Variants in TBCEL observed in about 807,000 individuals in gnomAD.
TBCEL encodes tubulin-specific chaperone cofactor E-like protein.
TBCEL carries 15 observed loss-of-function variants against 44.2 expected under a neutral mutation model. The ratio of observed to expected loss-of-function variants is 0.34; its 90% CI spans 0.23 to 0.52. The LOEUF (loss-of-function observed/expected upper bound fraction) is 0.52. Ranked by LOEUF, TBCEL falls within the 20% of genes least tolerant of loss-of-function variation. TBCEL has a pLI of 0.95. For synonymous variants in TBCEL, 171 were observed against 185.4 expected (o/e 0.92, Z 0.63); for missense variants, 319 against 506.3 (o/e 0.63, Z 3.55).
At chr11:121,030,892 A>T in intron 1 of TBCEL, among the ~76,000 whole-genome samples, 1 of 147,696 alleles carries the variant, frequency 6.8e-6, no homozygotes, top group Non-Finnish European at 1.5e-5. Flanking sequence ...TTTTTTACCC[A>T]TTCAGCATTG....
At chr11:121,084,640 CT>C (rs1946184025) in intron 8 of TBCEL, among the ~76,000 whole-genome samples, 1 of 152,058 alleles carries the variant, frequency 6.6e-6, no homozygotes, top group Admixed American at 6.6e-5. Context: ...GACATTGTTT[CT>C]TTTGTTACTC....
chr11:121,082,932 G>C (rs1051200257), intron 8 of TBCEL, among the ~76,000 whole-genome samples: 9 of 152,316 alleles, frequency 5.9e-5, no homozygotes, highest in Non-Finnish European at 1.2e-4. Flanking sequence ...CTTGACTCTA[G>C]AAACAGACTG....
At chr11:121,037,003 G>A (rs193204215) in intron 2 of TBCEL, among the ~76,000 whole-genome samples, 2 of 152,304 alleles carry the variant, frequency 1.3e-5, no homozygotes, top group Admixed American at 6.5e-5. Context: ...TGTGATAGAA[G>A]AAGAGGGTGG....
chr11:121,059,343 A>G (rs1945678095), intron 7 of TBCEL, among the ~76,000 whole-genome samples: 1 of 151,984 alleles, frequency 6.6e-6, no homozygotes, highest in East Asian at 1.9e-4. Flanking sequence ...TTTTGCAAAT[A>G]TAATAAGTTA....
intron 2 of TBCEL, among the ~76,000 whole-genome samples, chr11:121,043,415 A>G (rs1198024462): frequency 6.6e-6 from 1 of 152,184 alleles, no homozygotes; most frequent in Non-Finnish European, 1.5e-5. Flanking sequence ...AATATAAGCA[A>G]AAGTAAACCA....
intron 6 of TBCEL, among the ~76,000 whole-genome samples, chr11:121,058,059 A>G (rs1945653803): frequency 6.6e-6 from 1 of 151,786 alleles, no homozygotes; most frequent in Non-Finnish European, 1.5e-5. Flanking sequence ...ACTACCAGTG[A>G]CCCCTCTTTA....
rs143487309 is a variant in TBCEL at position 121,082,912 on chromosome 11, T to G, written c.957-3866T>G. ...TGTGATCTGGAGATCAGCAAGCTGC[T>G]GCTGGGGTCCTTGACTCTAGAAACA... On this transcript the variant is annotated intron_variant, in intron 8 of 8. Transcript: ENST00000683345. 2.8e-3 allele frequency among the ~76,000 whole-genome samples: 425 copies of G among 152,332 alleles called. 4 individuals are homozygous for G. Among genetic ancestry groups the G allele is most frequent in the African/African-American group, 9.5e-3 (393 of 41,586 alleles).
chr11:121,063,884 ATC>A (rs781360125), intron 8 of TBCEL, among the ~76,000 whole-genome samples: 43 of 152,260 alleles, frequency 2.8e-4, no homozygotes, highest in Non-Finnish European at 5.0e-4. Flanking sequence ...TCTTAGATTA[ATC>A]TACTTTTTAC....
chr11:121,052,327 C>T (rs1188921669), intron 4 of TBCEL, among the ~76,000 whole-genome samples: 1 of 151,718 alleles, frequency 6.6e-6, no homozygotes, highest in Non-Finnish European at 1.5e-5. Flanking sequence ...GTGTCACTTG[C>T]TATGCTAAGC....
At chr11:121,069,384 C>T (rs928896245) in intron 8 of TBCEL, among the ~76,000 whole-genome samples, 3 of 151,920 alleles carry the variant, frequency 2.0e-5, no homozygotes, top group Non-Finnish European at 2.9e-5. Context: ...AATCTGGTGA[C>T]GATGAGGGAA....
chr11:121,049,807 T>A (rs1175340845), intron 4 of TBCEL, among the ~76,000 whole-genome samples: 1 of 151,784 alleles, frequency 6.6e-6, no homozygotes, highest in Admixed American at 6.6e-5. Context: ...ATGTGTGTAA[T>A]ATGGATCAGT....
intron 8 of TBCEL, among the ~76,000 whole-genome samples, chr11:121,062,342 G>T (rs57826163): frequency 0.18 from 27,102 of 151,924 alleles, 2,526 homozygotes; most frequent in East Asian, 0.33. Context: ...ATGATAAATA[G>T]TATAATAAAT....
intron 6 of TBCEL, among the ~76,000 whole-genome samples, chr11:121,057,172 G>A (rs533708392): frequency 2.8e-4 from 43 of 151,908 alleles, no homozygotes; most frequent in African/African-American, 1.0e-3. Context: ...TAAGGGATGA[G>A]GATAGTTGTG....
intron 1 of TBCEL, among the ~76,000 whole-genome samples, chr11:121,026,233 A>G (rs1025570440): frequency 3.9e-5 from 6 of 152,236 alleles, no homozygotes; most frequent in Admixed American, 2.6e-4. Flanking sequence ...TATAACTTTC[A>G]ATCAGTTAAC....
At chr11:121,063,930 G>C (rs1382142980) in intron 8 of TBCEL, among the ~76,000 whole-genome samples, 1 of 152,120 alleles carries the variant, frequency 6.6e-6, no homozygotes, top group African/African-American at 2.4e-5. Context: ...GATACCACCA[G>C]GGTTCCATCC....
intron 4 of TBCEL, among the ~76,000 whole-genome samples, chr11:121,048,179 ACTT>A (rs1945467386): frequency 1.3e-5 from 2 of 151,928 alleles, no homozygotes; most frequent in South Asian, 2.1e-4. Context: ...CTCATTCTCT[ACTT>A]CTACTTCAAT....
At chr11:121,050,426 A>G (rs2134935191) in intron 4 of TBCEL, among the ~76,000 whole-genome samples, 1 of 151,916 alleles carries the variant, frequency 6.6e-6, no homozygotes, top group Non-Finnish European at 1.5e-5. Flanking sequence ...TGGCTGCTAT[A>G]TATCCAGAGA....
chr11:121,037,648 T>C (rs1945256158), intron 2 of TBCEL, among the ~76,000 whole-genome samples: 1 of 152,212 alleles, frequency 6.6e-6, no homozygotes, highest in Non-Finnish European at 1.5e-5. Context: ...TCATGGACTA[T>C]TTAGCAAAAA....
chr11:121,048,141 A>G (rs796271074), intron 4 of TBCEL, among the ~76,000 whole-genome samples: 8 of 152,016 alleles, frequency 5.3e-5, no homozygotes, highest in African/African-American at 1.7e-4. Context: ...TAAATTTTCT[A>G]CTGTTTCACT....
Sources: gnomAD v4.1 joint callset for allele counts (sites outside exome capture counted in the v4.1 genomes callset) on GRCh38, gnomAD v4.1.1 for gene constraint, MANE v1.5 for transcripts, NCBI Gene and HGNC (gene_info 2026-07-23, HGNC 2026-07-21) for gene names.